Variants in TSPAN5 observed in about 807,000 individuals in gnomAD.
TSPAN5 encodes tetraspanin 5, also known as tetraspanin-5.
In TSPAN5, 10 loss-of-function variants were observed where a neutral mutation model predicts 37.1. That is an observed-to-expected ratio of 0.27 (90% CI 0.17 to 0.46). TSPAN5 has a LOEUF of 0.46. Among genes scored for constraint, TSPAN5 ranks in the 20% least tolerant of loss-of-function variants. TSPAN5 has a pLI of 1.00. For missense variants in TSPAN5, 195 were observed against 326.6 expected (o/e 0.60, Z 3.11); for synonymous variants, 110 against 118.9 (o/e 0.93, Z 0.48).
chr4:98,489,965 A>C (rs1404476696), intron 2 of TSPAN5, among the ~76,000 whole-genome samples: 1 of 152,218 alleles, frequency 6.6e-6, no homozygotes, highest in African/African-American at 2.4e-5. Context: ...GCCCTGAGAA[A>C]TACGGGATTC....
At chr4:98,492,582 C>T (rs4699636) in intron 2 of TSPAN5, among the ~76,000 whole-genome samples, 10,096 of 152,236 alleles carry the variant, frequency 0.066, 500 homozygotes, top group Admixed American at 0.12. Context: ...CACATAGACA[C>T]ACAGACACAC....
At chr4:98,496,887 C>A (rs758341086) in intron 2 of TSPAN5, among the ~76,000 whole-genome samples, 4 of 152,170 alleles carry the variant, frequency 2.6e-5, no homozygotes, top group Non-Finnish European at 5.9e-5. Flanking sequence ...CTGGTATGGA[C>A]TAAATGTTCG....
chr4:98,578,348 C>A (rs1309584258), intron 1 of TSPAN5, among the ~76,000 whole-genome samples: 7 of 152,222 alleles, frequency 4.6e-5, no homozygotes, highest in African/African-American at 1.7e-4. Context: ...TGTCTATTCA[C>A]AGATGAATTC....
Position 98,591,395 on chromosome 4 carries a change from T to A in TSPAN5, c.81+66751A>T, listed in dbSNP as rs569037715. Among the ~76,000 whole-genome samples the A allele has an allele frequency of 6.7e-5, 8 of 118,640 alleles. No homozygotes were observed. The East Asian group carries it at 1.8e-3, about 26-fold the overall frequency. 77.8% of individuals were successfully genotyped at this position (118,640 alleles called of 152,430 possible). ...ATAAATAAGACACTTAATAATACAC[T>A]TTTAAATTCATTTTTTGTTAAGAAT... On this transcript the variant is annotated intron_variant, in intron 1 of 7. Coordinates refer to ENST00000305798, the MANE Select transcript of TSPAN5 (RefSeq NM_005723.4).
At chr4:98,513,879 T>G (rs1753670777) in intron 1 of TSPAN5, among the ~76,000 whole-genome samples, 1 of 151,868 alleles carries the variant, frequency 6.6e-6, no homozygotes, top group Non-Finnish European at 1.5e-5. Flanking sequence ...GATAGATAGA[T>G]AGATAGATAG....
chr4:98,579,774 G>A (rs540218439), intron 1 of TSPAN5, among the ~76,000 whole-genome samples: 6 of 152,280 alleles, frequency 3.9e-5, no homozygotes, highest in African/African-American at 1.4e-4. Flanking sequence ...GAAGGCGAAA[G>A]CTCCTGACTC....
At chr4:98,626,320 C>T (rs1426100904) in intron 1 of TSPAN5, among the ~76,000 whole-genome samples, 3 of 152,166 alleles carry the variant, frequency 2.0e-5, no homozygotes, top group African/African-American at 7.2e-5. Context: ...TCATAACCTC[C>T]CATAATTGAT....
At chr4:98,521,961 T>C (rs1233292546) in intron 1 of TSPAN5, among the ~76,000 whole-genome samples, 1 of 152,232 alleles carries the variant, frequency 6.6e-6, no homozygotes, top group Non-Finnish European at 1.5e-5. Context: ...CTACAGTCAA[T>C]ATATCATTCT....
At chr4:98,590,094 T>C (rs1366097434) in intron 1 of TSPAN5, among the ~76,000 whole-genome samples, 1 of 152,046 alleles carries the variant, frequency 6.6e-6, no homozygotes, top group Non-Finnish European at 1.5e-5. Context: ...ACACAGACCA[T>C]GAAATGAAAC....
At position 98,500,861 on chromosome 4, in the gene TSPAN5, A is replaced by C. The variant is rs138695798; in HGVS notation, c.132+6817T>G. On this transcript the variant is annotated intron_variant, in intron 2 of 7. Transcript: ENST00000305798. ...TCCTCAAGGAGTTTCCAGGCCAGAC[A>C]AGCCAGGAGTAGGTATCCACTCTGC... 2.0e-5 allele frequency among the ~76,000 whole-genome samples: 3 copies of C among 152,254 alleles called. No individual in the cohort carries two copies. In the East Asian group the frequency reaches 5.8e-4, roughly 29 times the overall value.
intron 1 of TSPAN5, among the ~76,000 whole-genome samples, chr4:98,532,610 T>C (rs1754121947): frequency 9.6e-6 from 1 of 104,612 alleles, no homozygotes; most frequent in Admixed American, 1.0e-4. Flanking sequence ...TGGGGTTTTC[T>C]AAATATCTGT....
chr4:98,474,499 C>A (rs1246293946), intron 7 of TSPAN5, among the ~76,000 whole-genome samples: 1 of 152,080 alleles, frequency 6.6e-6, no homozygotes, highest in Non-Finnish European at 1.5e-5. Context: ...AGGCATGCGC[C>A]ATCATGCCCA....
At position 98,476,229 on chromosome 4, in the gene TSPAN5, G is replaced by C; in HGVS notation, c.701C>G (p.Thr234Ser). 6.2e-7 allele frequency: 1 copy of C among 1,614,208 alleles called. No homozygotes were observed. Among genetic ancestry groups the C allele is most frequent in the Non-Finnish European group, 8.5e-7 (1 of 1,180,038 alleles). Residue 234 changes from threonine (T) to serine (S), a missense_variant, in exon 7 of 8, where the codon ACC becomes AGC. By Grantham distance (58) the Thr-to-Ser change is moderately conservative (BLOSUM62 1). Coordinates refer to ENST00000305798, the MANE Select transcript of TSPAN5 (RefSeq NM_005723.4). ...GCCTATGAAAATACCAGCAACGATG[G>C]TTAAATTGTCCTGCAACCACTTCTC... The part of the protein sequence containing the change: ...QFEKWLQDNL[T>S]IVAGIFIGIA...
chr4:98,505,295 T>C (rs1402231174), intron 2 of TSPAN5, among the ~76,000 whole-genome samples: 1 of 152,150 alleles, frequency 6.6e-6, no homozygotes, highest in African/African-American at 2.4e-5. Context: ...CTAGAATATA[T>C]CCAAACTTCT....
rs531548150 is a variant in TSPAN5, at chr4:98,587,560, C to A, written c.81+70586G>T. ...GGAACAGAAACTCCGCCCATCCATA[C>A]CCCAGTGAAGCAAGGCACATCGCCA... On this transcript the variant is annotated intron_variant, in intron 1 of 7. Coordinates refer to ENST00000305798, the MANE Select transcript of TSPAN5 (RefSeq NM_005723.4). Among the ~76,000 whole-genome samples, 10 of 152,212 alleles carry A rather than the reference C, an allele frequency of 6.6e-5. No homozygotes were observed. In the East Asian group the frequency reaches 7.7e-4, roughly 12 times the overall value.
intron 2 of TSPAN5, among the ~76,000 whole-genome samples, chr4:98,495,931 T>A (rs1007899001): frequency 1.3e-5 from 2 of 152,114 alleles, no homozygotes; most frequent in African/African-American, 4.8e-5. Flanking sequence ...AACTGCTGGA[T>A]AAGAAAGAGA....
At chr4:98,585,445 G>T (rs1464369792) in intron 1 of TSPAN5, among the ~76,000 whole-genome samples, 2 of 152,106 alleles carry the variant, frequency 1.3e-5, no homozygotes, top group East Asian at 3.9e-4. Flanking sequence ...AAGTAGCTAG[G>T]ATTACAGGCA....
At chr4:98,532,267 T>C (rs1754111655) in intron 1 of TSPAN5, among the ~76,000 whole-genome samples, 1 of 152,200 alleles carries the variant, frequency 6.6e-6, no homozygotes, top group Non-Finnish European at 1.5e-5. Flanking sequence ...ATTGAATCTA[T>C]AATTACCTTG....
At chr4:98,603,888 C>T (rs756862588) in intron 1 of TSPAN5, among the ~76,000 whole-genome samples, 7 of 152,158 alleles carry the variant, frequency 4.6e-5, no homozygotes, top group Non-Finnish European at 7.4e-5. Flanking sequence ...CACAAAACCC[C>T]TCTAATCACT....
Sources: gnomAD v4.1 joint callset for allele counts (sites outside exome capture counted in the v4.1 genomes callset) on GRCh38, gnomAD v4.1.1 for gene constraint, MANE v1.5 for transcripts, NCBI Gene and HGNC (gene_info 2026-07-23, HGNC 2026-07-21) for gene names.